Variants in TFDP2 observed in about 807,000 individuals in gnomAD.
The protein encoded by TFDP2 is transcription factor Dp-2 (E2F dimerization partner 2).
In TFDP2, 17 loss-of-function variants were observed where a neutral mutation model predicts 59.3. That is an observed-to-expected ratio of 0.29 (90% confidence interval 0.20 to 0.43). The LOEUF is 0.43. TFDP2 is among the 20% of genes least tolerant of loss of function. The pLI, the probability that TFDP2 is intolerant of heterozygous loss-of-function variation, is 1.00. For synonymous variants in TFDP2, 180 were observed against 194.7 expected, an observed-to-expected ratio of 0.92 and a Z score of 0.63; for missense variants, 391 against 528.8, an observed-to-expected ratio of 0.74 and a Z score of 2.56.
chr3:142,033,663 T>C (rs79356899), intron 3 of TFDP2, among the ~76,000 whole-genome samples: 11,024 of 152,264 alleles, frequency 0.072, 503 homozygotes, highest in Non-Finnish European at 0.11. Flanking sequence ...ATAATACCTT[T>C]AGCCTTAGAG....
At chr3:142,018,509 C>A (rs543279160) in intron 3 of TFDP2, among the ~76,000 whole-genome samples, 1 of 152,184 alleles carries the variant, frequency 6.6e-6, no homozygotes, top group South Asian at 2.1e-4. Flanking sequence ...GTCACCCAGG[C>A]TGGACTGCAG....
chr3:141,952,978 G>A lies in TFDP2; in HGVS notation c.1090C>T (p.Leu364Phe), dbSNP rs770534350. 6.2e-6 allele frequency: 10 copies of A among 1,614,118 alleles called. No individual in the cohort carries two copies. The highest frequency in any genetic ancestry group is 8.5e-6 in the Non-Finnish European group (10 of 1,180,006). Residue 364 changes from leucine (L) to phenylalanine (F), a missense_variant, in exon 12 of 13, where the codon CTT becomes TTT. Around this residue, in one of 3 missense-constraint regions of TFDP2, gnomAD observed 223 missense variants for 292.5 expected, o/e 0.76. Transcript: ENST00000489671. Reference protein sequence around the residue: ...TGPSWLNQGLLLNSTQSVSNL... With the variant: ...TGPSWLNQGLFLNSTQSVSNL... ...GAAACTGATTGGGTAGAGTTCAGAA[G>A]TAGTCCCTGATTTAACCAAGAAGGT...
At chr3:142,088,513 TAG>T (rs1423566525) in intron 3 of TFDP2, among the ~76,000 whole-genome samples, 1 of 151,846 alleles carries the variant, frequency 6.6e-6, no homozygotes, top group African/African-American at 2.4e-5. Context: ...GTATTTTTAG[TAG>T]AGACAGGGTT....
At chr3:142,148,747 C>T (rs1221972342) in intron 1 of TFDP2, among the ~76,000 whole-genome samples, 3 of 152,164 alleles carry the variant, frequency 2.0e-5, no homozygotes, top group Non-Finnish European at 2.9e-5. Context: ...CTTTATGGGG[C>T]ATATGAGGTT....
At chr3:141,972,903 A>G (rs11569234) in intron 8 of TFDP2, among the ~76,000 whole-genome samples, 1 of 151,786 alleles carries the variant, frequency 6.6e-6, no homozygotes, top group African/African-American at 2.4e-5. Context: ...ATTCCACTCT[A>G]TGAGAAGGAA....
chr3:142,036,224 A>C (rs1419143518), intron 3 of TFDP2, among the ~76,000 whole-genome samples: 1 of 152,216 alleles, frequency 6.6e-6, no homozygotes, highest in East Asian at 1.9e-4. Context: ...TTTTAGGATA[A>C]CTGTTTTTCT....
chr3:141,990,635 G>T (rs374306573), intron 6 of TFDP2, among the ~76,000 whole-genome samples: 91 of 152,254 alleles, frequency 6.0e-4, no homozygotes, highest in African/African-American at 2.2e-3. Context: ...AACTTATAGA[G>T]TGTTTACATC....
chr3:142,127,987 G>C (rs2062333150), intron 1 of TFDP2, among the ~76,000 whole-genome samples: 1 of 151,928 alleles, frequency 6.6e-6, no homozygotes, highest in South Asian at 2.1e-4. Flanking sequence ...GAATACCCGA[G>C]GCCAGTTCAG....
intron 7 of TFDP2, among the ~76,000 whole-genome samples, chr3:141,976,298 A>ACTGT (rs1221600531): frequency 6.6e-6 from 1 of 152,212 alleles, no homozygotes; most frequent in Admixed American, 6.5e-5. Flanking sequence ...ACCAATAGAT[A>ACTGT]CTGTCTACAG....
intron 3 of TFDP2, among the ~76,000 whole-genome samples, chr3:142,071,994 T>C (rs1260074275): frequency 1.3e-5 from 2 of 151,992 alleles, no homozygotes; most frequent in Non-Finnish European, 2.9e-5. Flanking sequence ...CAACTAAAGC[T>C]ATAAGAATAG....
chr3:142,092,210 A>G (rs2061016966), intron 3 of TFDP2, among the ~76,000 whole-genome samples: 1 of 152,170 alleles, frequency 6.6e-6, no homozygotes, highest in African/African-American at 2.4e-5. Flanking sequence ...CAGACATCAT[A>G]TAATTTCATC....
chr3:142,113,957 G>A (rs1024952724), intron 1 of TFDP2, among the ~76,000 whole-genome samples: 17 of 152,044 alleles, frequency 1.1e-4, no homozygotes, highest in African/African-American at 4.1e-4. Flanking sequence ...GAGGTCAGGA[G>A]ATCAAGATCA....
At chr3:142,072,327 G>A (rs1218715397) in intron 3 of TFDP2, among the ~76,000 whole-genome samples, 2 of 152,194 alleles carry the variant, frequency 1.3e-5, no homozygotes, top group African/African-American at 4.8e-5. Context: ...ATTTGGCTGG[G>A]TGTAAGAAAT....
At chr3:142,106,130 C>A (rs1162291788) in intron 1 of TFDP2, among the ~76,000 whole-genome samples, 1 of 151,440 alleles carries the variant, frequency 6.6e-6, no homozygotes, top group Non-Finnish European at 1.5e-5. Context: ...AAAAAAAACT[C>A]TTCTAAAATT....
At chr3:142,019,599 ATAAAT>A (rs1050047290) in intron 3 of TFDP2, among the ~76,000 whole-genome samples, 1 of 152,136 alleles carries the variant, frequency 6.6e-6, no homozygotes, top group Non-Finnish European at 1.5e-5. Flanking sequence ...TGCTGTTCTT[ATAAAT>A]TAATTATCAG....
intron 4 of TFDP2, among the ~76,000 whole-genome samples, chr3:142,004,799 A>G (rs1164189046): frequency 6.6e-6 from 1 of 152,224 alleles, no homozygotes; most frequent in Non-Finnish European, 1.5e-5. Context: ...GTTATTTTAT[A>G]AGAAAAAGAA....
intron 3 of TFDP2, among the ~76,000 whole-genome samples, chr3:142,060,116 T>C (rs1216136598): frequency 6.6e-6 from 1 of 152,184 alleles, no homozygotes; most frequent in Non-Finnish European, 1.5e-5. Flanking sequence ...CTAAAATGTA[T>C]ACTTATTTTC....
At chr3:142,042,625 CTTTTCTTT>C (rs1260520913) in intron 3 of TFDP2, among the ~76,000 whole-genome samples, 10 of 70,606 alleles carry the variant, frequency 1.4e-4, no homozygotes, top group African/African-American at 5.0e-4. Context: ...CTTTTCTTTT[CTTTTCTTT>C]TTTTTTTTTT....
chr3:142,090,411 C>G (rs534931083), intron 3 of TFDP2, among the ~76,000 whole-genome samples: 4 of 152,192 alleles, frequency 2.6e-5, no homozygotes, highest in Admixed American at 2.6e-4. Flanking sequence ...CTAAACTTTA[C>G]TGGTGTTAAC....
Sources: allele counts gnomAD v4.1 joint callset (sites outside exome capture counted in the v4.1 genomes callset), GRCh38; gene constraint gnomAD v4.1.1; regional missense constraint gnomAD v4.1.1; transcripts MANE v1.5; gene names NCBI Gene and HGNC (gene_info 2026-07-23, HGNC 2026-07-21).